The following CAMTA1 variants were observed in gnomAD, a reference collection of about 807,000 sequenced individuals.
The protein encoded by CAMTA1 is calmodulin-binding transcription activator 1.
In CAMTA1, 27 loss-of-function variants were observed where a neutral mutation model predicts 170.9. The observed-to-expected ratio is 0.16, with a 90% confidence interval of 0.12 to 0.22. The LOEUF (loss-of-function observed/expected upper bound fraction) is 0.22, where lower values mean the gene tolerates loss of function less well. CAMTA1 is among the 10% of genes least tolerant of loss of function. CAMTA1 has a pLI of 1.00. For missense variants in CAMTA1, 1,619 were observed against 2,217.2 expected, an observed-to-expected ratio of 0.73 and a Z score of 5.42; for synonymous variants, 833 against 891.5, an observed-to-expected ratio of 0.93 and a Z score of 1.17.
intron 4 of CAMTA1, among the ~76,000 whole-genome samples, chr1:7,212,190 T>C (rs916393): frequency 0.64 from 98,007 of 152,050 alleles, 32,474 homozygotes; most frequent in African/African-American, 0.8. Flanking sequence ...CCTTTCTCTC[T>C]GGTTATGTTA....
intron 6 of CAMTA1, among the ~76,000 whole-genome samples, chr1:7,582,212 T>C (rs571682975): frequency 1.3e-5 from 2 of 152,306 alleles, no homozygotes; most frequent in Admixed American, 6.5e-5. Flanking sequence ...CCATAAATGA[T>C]AGCCCACGTG....
intron 11 of CAMTA1, among the ~76,000 whole-genome samples, chr1:7,689,743 C>T (rs1008445840): frequency 6.6e-6 from 1 of 152,178 alleles, no homozygotes; most frequent in Non-Finnish European, 1.5e-5. Flanking sequence ...ATCGCTGAAT[C>T]GGGATGGAAG....
intron 5 of CAMTA1, among the ~76,000 whole-genome samples, chr1:7,386,481 C>A (rs1025515430): frequency 6.6e-6 from 1 of 152,178 alleles, no homozygotes; most frequent in South Asian, 2.1e-4. Context: ...CATGGCTGGG[C>A]CCTCAGCCTG....
At chr1:7,653,171 C>T (rs2095858490) in intron 7 of CAMTA1, among the ~76,000 whole-genome samples, 1 of 152,216 alleles carries the variant, frequency 6.6e-6, no homozygotes, top group Non-Finnish European at 1.5e-5. Flanking sequence ...GGGGGCCACA[C>T]TTTGAGAACC....
At chr1:7,510,243 G>A (rs1196660982) in intron 6 of CAMTA1, among the ~76,000 whole-genome samples, 1 of 142,626 alleles carries the variant, frequency 7.0e-6, no homozygotes, top group African/African-American at 2.5e-5. Flanking sequence ...TTAGGTCTAA[G>A]GAGTTTGTAA....
intron 4 of CAMTA1, among the ~76,000 whole-genome samples, chr1:7,207,193 A>G (rs1225073855): frequency 1.3e-5 from 2 of 152,176 alleles, no homozygotes; most frequent in Non-Finnish European, 2.9e-5. Context: ...ACACTTTACT[A>G]GGCTCTGAAC....
intron 4 of CAMTA1, among the ~76,000 whole-genome samples, chr1:7,228,314 C>T (rs1472396474): frequency 6.6e-6 from 1 of 152,136 alleles, no homozygotes; most frequent in Non-Finnish European, 1.5e-5. Context: ...TCAAGAACTC[C>T]GGACTCAGCC....
Position 7,768,113 on chromosome 1 carries a change from T to TAAAAA in CAMTA1, c.*1636_*1640dup, listed in dbSNP as rs59402168. The TAAAAA allele has an allele frequency of 3.7e-5, 5 of 136,242 alleles. No homozygotes were observed. Among genetic ancestry groups the TAAAAA allele is most frequent in the African/African-American group, 1.4e-4 (5 of 36,936 alleles). The allele number at this position is 136,242 out of a possible 1,614,324, so 8.4% of individuals were successfully genotyped here. ...CTCCAACAAAGAACACTTAGAATGA[T>TAAAAA]AAAAAAAAAAAAAAAAAACCTGACA... is the stretch of plus-strand genomic sequence containing the variant. On this transcript the variant is annotated 3_prime_UTR_variant, in exon 23 of 23. Transcript: ENST00000303635.
At chr1:6,842,815 T>A (rs1438228075) in intron 3 of CAMTA1, among the ~76,000 whole-genome samples, 2 of 151,808 alleles carry the variant, frequency 1.3e-5, no homozygotes, top group East Asian at 1.9e-4. Context: ...TCCCAGCTAC[T>A]CGGGAGGCCA....
intron 5 of CAMTA1, among the ~76,000 whole-genome samples, chr1:7,375,671 G>T (rs1481304761): frequency 6.6e-6 from 1 of 152,244 alleles, no homozygotes; most frequent in Non-Finnish European, 1.5e-5. Flanking sequence ...TAGGGGACCT[G>T]TGTCCCCATG....
At chr1:6,993,466 A>G (rs1248786387) in intron 3 of CAMTA1, among the ~76,000 whole-genome samples, 3 of 151,944 alleles carry the variant, frequency 2.0e-5, no homozygotes, top group East Asian at 1.9e-4. Context: ...TTTAGACACC[A>G]TTACTAAAAT....
At chr1:7,490,249 A>G (rs1286101513) in intron 6 of CAMTA1, among the ~76,000 whole-genome samples, 1 of 152,162 alleles carries the variant, frequency 6.6e-6, no homozygotes, top group East Asian at 1.9e-4. Context: ...CAATGTGGAG[A>G]TGTGCTTTCC....
intron 3 of CAMTA1, among the ~76,000 whole-genome samples, chr1:6,988,124 C>T (rs1169312283): frequency 5.3e-5 from 8 of 152,286 alleles, no homozygotes; most frequent in Admixed American, 5.2e-4. Context: ...TCAGAGTTCT[C>T]CTAGTGGCCA....
At chr1:7,439,151 G>A (rs2092441685) in intron 5 of CAMTA1, among the ~76,000 whole-genome samples, 1 of 152,152 alleles carries the variant, frequency 6.6e-6, no homozygotes, top group African/African-American at 2.4e-5. Context: ...CTGCTCCCAG[G>A]TGGGGTCTGC....
intron 5 of CAMTA1, among the ~76,000 whole-genome samples, chr1:7,424,549 C>A (rs2091771254): frequency 6.6e-6 from 1 of 152,104 alleles, no homozygotes; most frequent in African/African-American, 2.4e-5. Context: ...GCAAACAGGG[C>A]AGCCACGTCC....
rs117934385 is a variant in CAMTA1 at position 7,255,308 on chromosome 1, T to G, written c.438+5682T>G. On this transcript the variant is annotated intron_variant, in intron 5 of 22. Coordinates refer to ENST00000303635, the MANE Select transcript of CAMTA1 (RefSeq NM_015215.4). Reference sequence around the variant, plus strand: ...CAATTAAAATAAAAAAATAAAAAATTATAATAATAAGAAAATTAAATTAAA... The same window carrying G: ...CAATTAAAATAAAAAAATAAAAAATGATAATAATAAGAAAATTAAATTAAA... Among the ~76,000 whole-genome samples the G allele has an allele frequency of 9.0e-3, 1,365 of 152,118 alleles. 30 individuals are homozygous for G. Among genetic ancestry groups the G allele is most frequent in the East Asian group, 0.058 (300 of 5,184 alleles).
rs758609807 is a variant in CAMTA1, at chr1:7,641,951, C to G, written c.664+1398C>G. On this transcript the variant is annotated intron_variant, in intron 7 of 22. Transcript: ENST00000303635. This position sits in a 1 kb window ranked among gnomAD's most constrained non-coding sequence, Gnocchi z 4.5. Reference sequence around the variant, plus strand: ...TCCTGAGCACAGCCTGCAGCCCCCCCACCCGCAGCCCCCGGCCTCTGCAGG... The same window carrying G: ...TCCTGAGCACAGCCTGCAGCCCCCCGACCCGCAGCCCCCGGCCTCTGCAGG... Among the ~76,000 whole-genome samples the G allele has an allele frequency of 1.3e-5, 2 of 152,224 alleles. No individual in the cohort carries two copies. Among genetic ancestry groups the G allele is most frequent in the South Asian group, 2.1e-4 (1 of 4,824 alleles).
chr1:7,183,221 G>T (rs1023580124), intron 4 of CAMTA1, among the ~76,000 whole-genome samples: 4 of 152,010 alleles, frequency 2.6e-5, no homozygotes, highest in Non-Finnish European at 5.9e-5. Flanking sequence ...AAGAGGAGGA[G>T]GTGTCATGTA....
intron 6 of CAMTA1, among the ~76,000 whole-genome samples, chr1:7,611,126 G>A (rs558635053): frequency 1.3e-5 from 2 of 152,110 alleles, no homozygotes; most frequent in Non-Finnish European, 2.9e-5. Flanking sequence ...AGGAAGGCGC[G>A]GGGCCATGCA....
Sources: allele counts gnomAD v4.1 joint callset (sites outside exome capture counted in the v4.1 genomes callset), GRCh38; gene constraint gnomAD v4.1.1; non-coding constraint Gnocchi (gnomAD v3.1); transcripts MANE v1.5; gene names NCBI Gene and HGNC (gene_info 2026-07-23, HGNC 2026-07-21).